Variants in ASCC3 observed in about 807,000 individuals in gnomAD.
ASCC3 encodes ASC-1 complex subunit P200.
Under a neutral mutation model 256.3 loss-of-function variants are expected in ASCC3, and 158 were observed. That is an observed-to-expected ratio of 0.62 (90% confidence interval 0.54 to 0.70). The LOEUF is 0.70. ASCC3 is among the 30% of genes least tolerant of loss of function. The pLI, the probability that ASCC3 is intolerant of heterozygous loss-of-function variation, is 0.00. For missense variants in ASCC3, 2,259 were observed against 2,626.0 expected (o/e 0.86, Z 3.05); for synonymous variants, 948 against 883.4 (o/e 1.07, Z -1.30).
At chr6:100,874,516 G>C (rs1199940321) in intron 1 of ASCC3, among the ~76,000 whole-genome samples, 2 of 125,678 alleles carry the variant, frequency 1.6e-5, no homozygotes, top group African/African-American at 2.9e-5. Flanking sequence ...CCAGGAAAAA[G>C]ATTCCCTTTA....
intron 14 of ASCC3, among the ~76,000 whole-genome samples, chr6:100,670,975 A>G (rs955384273): frequency 6.6e-6 from 1 of 152,044 alleles, no homozygotes; most frequent in Non-Finnish European, 1.5e-5. Flanking sequence ...GACATATTAT[A>G]CAGTTGCAAA....
At chr6:100,863,542 A>G (rs1773326754) in intron 3 of ASCC3, among the ~76,000 whole-genome samples, 2 of 152,166 alleles carry the variant, frequency 1.3e-5, no homozygotes, top group South Asian at 4.1e-4. Flanking sequence ...AGATAGTATT[A>G]TAATTACTAA....
At chr6:100,647,177 T>A in intron 21 of ASCC3, 49 bp downstream of exon 21, 1 of 1,494,746 alleles carries the variant, frequency 6.7e-7, no homozygotes, top group Non-Finnish European at 9.3e-7. Flanking sequence ...CAGCAACATA[T>A]TTTATTTGCA....
chr6:100,655,233 A>G (rs1441325632), intron 17 of ASCC3, among the ~76,000 whole-genome samples: 1 of 151,920 alleles, frequency 6.6e-6, no homozygotes, highest in Non-Finnish European at 1.5e-5. Context: ...GAATAGTGGA[A>G]CTGATTCCAG....
At chr6:100,585,845 C>T (rs574446198) in intron 36 of ASCC3, among the ~76,000 whole-genome samples, 8 of 152,220 alleles carry the variant, frequency 5.3e-5, no homozygotes, top group Admixed American at 1.3e-4. Flanking sequence ...TAGAGGTCCA[C>T]TCCAGACCCT....
intron 36 of ASCC3, among the ~76,000 whole-genome samples, chr6:100,557,188 A>G (rs1474239807): frequency 6.6e-6 from 1 of 152,096 alleles, no homozygotes. Context: ...TTTTTGTTAC[A>G]TGCTCCGTTG....
chr6:100,768,118 A>C (rs906596871), intron 8 of ASCC3, among the ~76,000 whole-genome samples: 1 of 152,206 alleles, frequency 6.6e-6, no homozygotes, highest in African/African-American at 2.4e-5. Context: ...TCATATGTTT[A>C]TAAAAAAACC....
chr6:100,624,684 A>G (rs967336660), intron 30 of ASCC3, among the ~76,000 whole-genome samples: 4 of 151,988 alleles, frequency 2.6e-5, no homozygotes, highest in Non-Finnish European at 4.4e-5. Flanking sequence ...CTACAATAAT[A>G]AGGATGCATG....
chr6:100,799,749 T>A (rs1562305318), intron 6 of ASCC3, among the ~76,000 whole-genome samples, 177 bp from the exon 7 acceptor site: 1 of 152,062 alleles, frequency 6.6e-6, no homozygotes, highest in Non-Finnish European at 1.5e-5. Context: ...AAAATAGGAT[T>A]CAGTACATTT....
At chr6:100,590,795 C>A (rs1771965713) in intron 34 of ASCC3, among the ~76,000 whole-genome samples, 1 of 152,052 alleles carries the variant, frequency 6.6e-6, no homozygotes, top group South Asian at 2.1e-4. Context: ...AGAACACTAT[C>A]TAGATGACAA....
chr6:100,566,600 A>G (rs1249010545), intron 36 of ASCC3, among the ~76,000 whole-genome samples: 2 of 152,182 alleles, frequency 1.3e-5, no homozygotes, highest in Admixed American at 1.3e-4. Context: ...TGTATCTTCT[A>G]TTACAATGGA....
intron 30 of ASCC3, among the ~76,000 whole-genome samples, chr6:100,614,838 A>C (rs1773584384): frequency 6.6e-6 from 1 of 152,160 alleles, no homozygotes; most frequent in Non-Finnish European, 1.5e-5. Context: ...ATGATTTATA[A>C]ATCTATTTTT....
In ASCC3 at chr6:100,712,760, T is replaced by C. The variant is rs1296440247; in HGVS notation, c.2151+2702A>G. Among the ~76,000 whole-genome samples, 4 of 135,394 alleles carry C rather than the reference T, an allele frequency of 3.0e-5. No individual in the cohort carries two copies. The Admixed American group carries it at 3.1e-4, about 10-fold the overall frequency. 88.8% of individuals were successfully genotyped at this position (135,394 alleles called of 152,430 possible). ...ATCTAGCAATTATACTCTTTTTTTT[T>C]TTTTTTTTTTTTTTTGAGACGGAGT... On this transcript the variant is annotated intron_variant, in intron 13 of 41. Transcript: ENST00000369162.
chr6:100,863,953 GA>G lies in ASCC3; in HGVS notation c.241+110del, dbSNP rs1420171006. 20 of 1,021,946 alleles carry G rather than the reference GA, an allele frequency of 2.0e-5. No individual in the cohort carries two copies. In the Admixed American group the frequency reaches 5.8e-4, roughly 30 times the overall value. 63.3% of individuals were successfully genotyped at this position (1,021,946 alleles called of 1,614,324 possible). A position where few individuals can be genotyped will look rare whatever the true frequency, so the allele number is the denominator to read the frequency against. On this transcript the variant is annotated intron_variant, in intron 3 of 41. Coordinates refer to ENST00000369162, the MANE Select transcript of ASCC3 (RefSeq NM_006828.4). ...TGTCTTTCATAATTATGAATACTTA[GA>G]TGCCAGGAAATTTTAGCTTTCCTTT...
chr6:100,761,355 G>A (rs1312687730), intron 10 of ASCC3, among the ~76,000 whole-genome samples: 3 of 152,166 alleles, frequency 2.0e-5, no homozygotes, highest in Non-Finnish European at 4.4e-5. Flanking sequence ...GGATGTGGTG[G>A]CATGCGCCTG....
At chr6:100,878,904 T>C (rs1395921046) in intron 1 of ASCC3, among the ~76,000 whole-genome samples, 2 of 152,188 alleles carry the variant, frequency 1.3e-5, no homozygotes, top group Non-Finnish European at 2.9e-5. Flanking sequence ...TCTGACACTA[T>C]CTAGAGATAC....
intron 14 of ASCC3, among the ~76,000 whole-genome samples, chr6:100,676,770 A>T (rs1355242840): frequency 2.6e-5 from 4 of 151,598 alleles, no homozygotes; most frequent in Non-Finnish European, 4.4e-5. Context: ...ACTCACACAC[A>T]CACACACACA....
chr6:100,509,949 G>A lies in ASCC3; in HGVS notation c.6444C>T (p.Thr2148=), dbSNP rs779492178. The A allele has an allele frequency of 4.3e-6, 7 of 1,613,612 alleles. No homozygotes were observed. Among genetic ancestry groups the A allele is most frequent in the Non-Finnish European group, 5.9e-6 (7 of 1,179,836 alleles). ...NHHVASLSFY[T]PEIPGRYIYT... ...CTTCTTACCTTCCAGGTATTTCAGG[G>A]GTATAAAAAGAAAGGGAAGCAACAT... The change falls in exon 41 of 42, where the codon ACC becomes ACT. Residue 2148 remains threonine, a synonymous_variant. Coordinates refer to ENST00000369162, the MANE Select transcript of ASCC3 (RefSeq NM_006828.4).
At chr6:100,644,185 GCATCCAAT>G in intron 22 of ASCC3, 56 bp from the exon 23 acceptor site, 1 of 1,144,128 alleles carries the variant, frequency 8.7e-7, no homozygotes, top group Non-Finnish European at 1.3e-6. Context: ...ATAAGGGATA[GCATCCAAT>G]CTTCTCACTC....
Sources: allele counts gnomAD v4.1 joint callset (sites outside exome capture counted in the v4.1 genomes callset), GRCh38; gene constraint gnomAD v4.1.1; transcripts MANE v1.5; gene names NCBI Gene and HGNC (gene_info 2026-07-23, HGNC 2026-07-21).